The following PRELID2 variants were observed in gnomAD, a reference collection of about 807,000 sequenced individuals.
PRELID2 encodes PRELI domain containing 2.
Under a neutral mutation model 28.4 loss-of-function variants are expected in PRELID2, and 25 were observed. The observed-to-expected ratio is 0.88, with a 90% CI of 0.64 to 1.23. The LOEUF (loss-of-function observed/expected upper bound fraction) is 1.23, where lower values mean the gene tolerates loss of function less well. Among genes scored for constraint, PRELID2 ranks in the 50% most tolerant of loss-of-function variants. The pLI, the probability that PRELID2 is intolerant of heterozygous loss-of-function variation, is 0.00. For missense variants in PRELID2, 201 were observed against 214.4 expected, an observed-to-expected ratio of 0.94 and a Z score of 0.39; for synonymous variants, 76 against 71.6, an observed-to-expected ratio of 1.06 and a Z score of -0.31.
chr5:145,794,145 C>A (rs1207340080), intron 5 of PRELID2, among the ~76,000 whole-genome samples: 2 of 152,050 alleles, frequency 1.3e-5, no homozygotes, highest in East Asian at 3.9e-4. Context: ...ATTATATAGC[C>A]TGGGGAGCAG....
chr5:145,605,085 T>C (rs1753485077), intron 1 of PRELID2, among the ~76,000 whole-genome samples: 1 of 151,772 alleles, frequency 6.6e-6, no homozygotes, highest in Admixed American at 6.6e-5. Flanking sequence ...CTTTGTTAGG[T>C]GCATAGTTTA....
chr5:145,665,452 C>T (rs1320036905), intron 1 of PRELID2, among the ~76,000 whole-genome samples: 1 of 152,074 alleles, frequency 6.6e-6, no homozygotes, highest in East Asian at 1.9e-4. Flanking sequence ...ATGCCATAGC[C>T]TCTAAGTCAA....
intron 1 of PRELID2, among the ~76,000 whole-genome samples, chr5:145,719,115 A>C (rs1234149514): frequency 6.6e-6 from 1 of 152,004 alleles, no homozygotes; most frequent in African/African-American, 2.4e-5. Context: ...AAACCACAGG[A>C]GACACAAACC....
chr5:145,697,037 A>T (rs1280697578), intron 1 of PRELID2, among the ~76,000 whole-genome samples: 1 of 21,308 alleles, frequency 4.7e-5, no homozygotes, highest in African/African-American at 3.3e-4. Context: ...GGAAAATTAT[A>T]TATATATATA....
At chr5:145,478,391 C>G (rs1399661697) in intron 1 of PRELID2, among the ~76,000 whole-genome samples, 5 of 151,840 alleles carry the variant, frequency 3.3e-5, no homozygotes, top group Non-Finnish European at 7.4e-5. Flanking sequence ...ACTAAAAGTA[C>G]AAAAGATTAG....
At chr5:145,296,423 T>G in the PRELID2 span, among the ~76,000 whole-genome samples, 3 of 145,770 alleles carry the variant, frequency 2.1e-5, no homozygotes, top group Non-Finnish European at 3.0e-5. Flanking sequence ...TTCCCACCTA[T>G]GAGTGAGAAT....
At chr5:145,539,833 TAAGTG>T (rs1752731667) in intron 1 of PRELID2, among the ~76,000 whole-genome samples, 1 of 151,822 alleles carries the variant, frequency 6.6e-6, no homozygotes, top group African/African-American at 2.4e-5. Context: ...ACTATACTGT[TAAGTG>T]AAAAGAACAT....
the PRELID2 span, among the ~76,000 whole-genome samples, chr5:145,339,582 G>A: frequency 1.3e-5 from 2 of 152,292 alleles, no homozygotes; most frequent in African/African-American, 2.4e-5. Context: ...ACAAATATAT[G>A]TCTCCTGCCC....
At chr5:145,460,265 A>G in the PRELID2 span, among the ~76,000 whole-genome samples, 2 of 152,218 alleles carry the variant, frequency 1.3e-5, no homozygotes, top group African/African-American at 4.8e-5. Flanking sequence ...AGAGTTCTTC[A>G]TACGCTGGCT....
At chr5:145,383,569 A>T in the PRELID2 span, among the ~76,000 whole-genome samples, 1 of 151,706 alleles carries the variant, frequency 6.6e-6, no homozygotes, top group African/African-American at 2.4e-5. Flanking sequence ...ATGCACTTCA[A>T]TAGGGAAAAA....
chr5:145,739,866 T>C (rs3903516), intron 1 of PRELID2, among the ~76,000 whole-genome samples: 119,708 of 151,158 alleles, frequency 0.79, 48,297 homozygotes, highest in East Asian at 0.88. Flanking sequence ...AAAACCATTA[T>C]GTAAATTAAT....
intron 1 of PRELID2, among the ~76,000 whole-genome samples, chr5:145,610,043 G>A (rs1753588538): frequency 6.6e-6 from 1 of 152,202 alleles, no homozygotes; most frequent in African/African-American, 2.4e-5. Context: ...GGACTGGAGA[G>A]ATGACCCTAT....
At chr5:145,725,178 T>C (rs1388658157) in intron 1 of PRELID2, among the ~76,000 whole-genome samples, 1 of 152,118 alleles carries the variant, frequency 6.6e-6, no homozygotes, top group African/African-American at 2.4e-5. Flanking sequence ...GCAATCCCAG[T>C]AGAATAAAAG....
intron 1 of PRELID2, among the ~76,000 whole-genome samples, chr5:145,737,089 G>A (rs1396153292): frequency 1.3e-5 from 2 of 152,044 alleles, no homozygotes; most frequent in African/African-American, 2.4e-5. Context: ...GAAAAGAGGA[G>A]AGAAAGAGAG....
the PRELID2 span, among the ~76,000 whole-genome samples, chr5:145,432,446 A>AG: frequency 6.6e-6 from 1 of 150,710 alleles, no homozygotes; most frequent in Non-Finnish European, 1.5e-5. Flanking sequence ...AAAAAAAAAA[A>AG]GCAAAACCTA....
chr5:145,755,590 C>CT (rs1182808130), downstream of PRELID2, among the ~76,000 whole-genome samples: 1 of 152,196 alleles, frequency 6.6e-6, no homozygotes, highest in African/African-American at 2.4e-5. Flanking sequence ...TAGGGATGGA[C>CT]TAAATGGCTG....
chr5:145,565,491 C>G (rs1752956968), intron 1 of PRELID2, among the ~76,000 whole-genome samples: 1 of 152,212 alleles, frequency 6.6e-6, no homozygotes, highest in South Asian at 2.1e-4. Context: ...GTGTATTTAA[C>G]CTCACATGGA....
chr5:145,349,675 T>C, the PRELID2 span, among the ~76,000 whole-genome samples: 1 of 152,164 alleles, frequency 6.6e-6, no homozygotes, highest in Non-Finnish European at 1.5e-5. Context: ...CTTTATATTA[T>C]GCATTATATA....
At chr5:145,464,746 G>A in the PRELID2 span, among the ~76,000 whole-genome samples, 5 of 151,766 alleles carry the variant, frequency 3.3e-5, no homozygotes, top group Non-Finnish European at 7.4e-5. Context: ...TATCAAATTG[G>A]CAATTGGTTG....
Sources: allele counts gnomAD v4.1 joint callset (sites outside exome capture counted in the v4.1 genomes callset), GRCh38; gene constraint gnomAD v4.1.1; transcripts MANE v1.5; gene names NCBI Gene and HGNC (gene_info 2026-07-23, HGNC 2026-07-21).